DHX8: variants seen among roughly 807,000 people sequenced by gnomAD.
DHX8 encodes ATP-dependent RNA helicase DHX8.
In DHX8, 67 loss-of-function variants were observed where a neutral mutation model predicts 140.7. The ratio of observed to expected loss-of-function variants is 0.48; its 90% CI spans 0.39 to 0.58. DHX8 has a LOEUF of 0.58. Ranked by LOEUF, DHX8 falls within the 20% of genes least tolerant of loss-of-function variation. DHX8 has a pLI of 0.00. For missense variants in DHX8, 887 were observed against 1,550.7 expected (o/e 0.57, Z 7.19); for synonymous variants, 533 against 553.2 (o/e 0.96, Z 0.51).
chr17:43,542,654 A>G (rs1022509324), intron 3 of DHX8, among the ~76,000 whole-genome samples: 2 of 152,088 alleles, frequency 1.3e-5, no homozygotes, highest in Admixed American at 1.3e-4. Context: ...AGCTGCCTCC[A>G]TAAAGCCGCA....
chr17:43,528,370 CAG>C (rs1970689457), downstream of DHX8: 4 of 578,340 alleles, frequency 6.9e-6, no homozygotes, highest in South Asian at 5.0e-5. Flanking sequence ...GTGAGCAGCT[CAG>C]AGTCTGGGCT....
At chr17:43,506,860 C>T in intron 12 of DHX8, 143 bp from the exon 13 acceptor site, 1 of 569,536 alleles carries the variant, frequency 1.8e-6, no homozygotes. Flanking sequence ...GTGTATATTC[C>T]TCTTTTCTTT....
At chr17:43,529,492 C>T (rs150661130), downstream of DHX8, 19 of 1,598,896 alleles carry the variant, frequency 1.2e-5, no homozygotes, top group Middle Eastern at 8.4e-4. Context: ...TGGGAACATC[C>T]GAGAGGCCCA....
chr17:43,526,826 T>C (rs942112150), downstream of DHX8: 6 of 597,214 alleles, frequency 1.0e-5, no homozygotes, highest in Non-Finnish European at 1.5e-5. Context: ...CACTAAATTA[T>C]GTCAGTACAT....
At chr17:43,487,243 CTTA>C (rs1968218116) in intron 1 of DHX8, among the ~76,000 whole-genome samples, 1 of 152,192 alleles carries the variant, frequency 6.6e-6, no homozygotes, top group Non-Finnish European at 1.5e-5. Flanking sequence ...TCGTTACTAA[CTTA>C]TTATGCATAA....
intron 2 of DHX8, chr17:43,536,209 C>G (rs1971236255): frequency 1.7e-6 from 1 of 581,214 alleles, no homozygotes; most frequent in Admixed American, 3.1e-5. Flanking sequence ...AATGGAGAAC[C>G]AGAGGGATAG....
At chr17:43,514,472 G>A (rs1400007128) in intron 17 of DHX8, among the ~76,000 whole-genome samples, 5 of 152,022 alleles carry the variant, frequency 3.3e-5, no homozygotes, top group Non-Finnish European at 5.9e-5. Flanking sequence ...GCTTAGCTAC[G>A]AGATAGATAT....
chr17:43,519,983 C>T lies in DHX8; in HGVS notation c.2800-147C>T. The T allele has an allele frequency of 5.1e-6, 4 of 777,798 alleles. No homozygotes were observed. The South Asian group carries it at 6.6e-5, about 13-fold the overall frequency. The allele number at this position is 777,798 out of a possible 1,614,324, so 48.2% of individuals were successfully genotyped here. The stretch of plus-strand genomic sequence containing the variant: ...TATAATAGTCTGAGTTTTATGTGGC[C>T]CAGCCCTGGAAGTTACCGCCAGTCT... On this transcript the variant is annotated intron_variant, in intron 18 of 22. Coordinates refer to ENST00000262415, the MANE Select transcript of DHX8 (RefSeq NM_004941.3).
chr17:43,523,078 AAG>A (rs1314901836), intron 22 of DHX8, among the ~76,000 whole-genome samples: 11 of 151,310 alleles, frequency 7.3e-5, no homozygotes, highest in Middle Eastern at 3.4e-3. Context: ...AAAAAAAAAA[AAG>A]AAAGAAAAAA....
chr17:43,511,568 C>T (rs1192608631), intron 16 of DHX8, among the ~76,000 whole-genome samples: 1 of 146,268 alleles, frequency 6.8e-6, no homozygotes, highest in East Asian at 2.1e-4. Flanking sequence ...AGTGATTCTT[C>T]TGCCTCAGCC....
intron 1 of DHX8, among the ~76,000 whole-genome samples, chr17:43,485,562 C>T (rs951460645): frequency 6.6e-6 from 1 of 151,976 alleles, no homozygotes; most frequent in African/African-American, 2.4e-5. Context: ...GTTTTGCTAT[C>T]TCGTTAATAT....
intron 11 of DHX8, 145 bp downstream of exon 11, chr17:43,500,248 G>C: frequency 1.2e-6 from 1 of 862,922 alleles, no homozygotes; most frequent in Non-Finnish European, 1.7e-6. Flanking sequence ...ACTTTGGGAG[G>C]CCAAGGCAGG....
intron 3 of DHX8, among the ~76,000 whole-genome samples, chr17:43,541,013 T>C (rs1246816843): frequency 6.6e-6 from 1 of 152,106 alleles, no homozygotes; most frequent in Non-Finnish European, 1.5e-5. Context: ...ACCCTCAGCA[T>C]CATCTTGCCT....
Position 43,524,117 on chromosome 17 carries a change from AGAAAG to A in DHX8, c.*272_*276del, listed in dbSNP as rs1268780840. The A allele has an allele frequency of 7.7e-7, 1 of 1,293,930 alleles. No homozygotes were observed. The highest frequency in any genetic ancestry group is 9.9e-7 in the Non-Finnish European group (1 of 1,012,530). The allele number at this position is 1,293,930 out of a possible 1,614,324, so 80.2% of individuals were successfully genotyped here. A position where few individuals can be genotyped will look rare whatever the true frequency, so the allele number is the denominator to read the frequency against. The stretch of plus-strand genomic sequence containing the variant: ...ACAGAGACACATTGCATCAACTTCA[AGAAAG>A]GGACAATTTGTGCAGCTCCAGGATG... On this transcript the variant is annotated 3_prime_UTR_variant, in exon 23 of 23. Coordinates refer to ENST00000262415, the MANE Select transcript of DHX8 (RefSeq NM_004941.3).
At chr17:43,491,434 A>G (rs1159985219) in intron 4 of DHX8, among the ~76,000 whole-genome samples, 184 bp downstream of exon 4, 1 of 152,194 alleles carries the variant, frequency 6.6e-6, no homozygotes, top group African/African-American at 2.4e-5. Context: ...TCTGAGAATG[A>G]TATTCAAGGG....
At chr17:43,532,989 C>G in intron 2 of DHX8, 1 of 1,525,272 alleles carries the variant, frequency 6.6e-7, no homozygotes, top group Non-Finnish European at 8.8e-7. Flanking sequence ...TAAATTAATC[C>G]TTCCTCGAGC....
In DHX8 at chr17:43,503,315, T is replaced by C. The variant is rs142727698; in HGVS notation, c.1547-1329T>C. Among the ~76,000 whole-genome samples the C allele has an allele frequency of 5.5e-4, 83 of 152,012 alleles. 1 individual carries two copies. The highest frequency in any genetic ancestry group is 9.9e-4 in the Non-Finnish European group (67 of 67,994). ...GAGTTTGAGACCAGCCTAGCCAACA[T>C]AGTGAAACCCCATCTGTGCTAAAAA... On this transcript the variant is annotated intron_variant, in intron 11 of 22. Coordinates refer to ENST00000262415, the MANE Select transcript of DHX8 (RefSeq NM_004941.3).
At chr17:43,521,618 C>T (rs1598178051) in intron 21 of DHX8, 53 bp downstream of exon 21, 1 of 1,527,276 alleles carries the variant, frequency 6.5e-7, no homozygotes, top group Middle Eastern at 1.7e-4. Context: ...CCTTGAGTAT[C>T]ATGTCTTTTC....
At chr17:43,517,010 A>T (rs1970147829) in intron 17 of DHX8, among the ~76,000 whole-genome samples, 157 bp from the exon 18 acceptor site, 1 of 152,206 alleles carries the variant, frequency 6.6e-6, no homozygotes, top group Non-Finnish European at 1.5e-5. Context: ...GGAAGATAAG[A>T]GCATTGGTAG....
Sources: gnomAD v4.1 joint callset for allele counts (sites outside exome capture counted in the v4.1 genomes callset) on GRCh38, gnomAD v4.1.1 for gene constraint, MANE v1.5 for transcripts, NCBI Gene and HGNC (gene_info 2026-07-23, HGNC 2026-07-21) for gene names.